EBF4: variants seen among roughly 807,000 people sequenced by gnomAD.
EBF4 encodes the protein EBF transcription factor 4, also known as transcription factor COE4.
Under a neutral mutation model 67.1 loss-of-function variants are expected in EBF4, and 34 were observed. The ratio of observed to expected loss-of-function variants is 0.51; its 90% CI spans 0.39 to 0.67. EBF4 has a LOEUF of 0.67. Among genes scored for constraint, EBF4 ranks in the 30% least tolerant of loss-of-function variants. EBF4 has a pLI of 0.00. For missense variants in EBF4, 837 were observed against 873.3 expected (o/e 0.96, Z 0.52); for synonymous variants, 387 against 377.7 (o/e 1.02, Z -0.29).
chr20:2,702,741 A>C (rs2087394326), intron 1 of EBF4, among the ~76,000 whole-genome samples: 1 of 152,150 alleles, frequency 6.6e-6, no homozygotes, highest in South Asian at 2.1e-4. Flanking sequence ...AGCCATTGTC[A>C]CAGGAGCATG....
intron 6 of EBF4, among the ~76,000 whole-genome samples, chr20:2,726,455 T>C (rs540312643): frequency 6.6e-6 from 1 of 152,174 alleles, no homozygotes; most frequent in African/African-American, 2.4e-5. Flanking sequence ...GATGGTGTAC[T>C]CCTGTAGCCT....
chr20:2,759,895 G>T (rs2088300319), downstream of EBF4: 1 of 152,446 alleles, frequency 6.6e-6, no homozygotes, highest in Non-Finnish European at 1.5e-5. Context: ...AGAAGAGGGG[G>T]TGCCAGGCCT....
chr20:2,749,322 A>T (rs1011045039), intron 7 of EBF4, 79 bp from the exon 8 acceptor site: 4 of 1,083,568 alleles, frequency 3.7e-6, no homozygotes, highest in Non-Finnish European at 5.2e-6. Flanking sequence ...ACCAGCCTCA[A>T]GGTGCTGGTT....
intron 15 of EBF4, among the ~76,000 whole-genome samples, chr20:2,757,437 A>G (rs1362268242): frequency 6.6e-6 from 1 of 150,908 alleles, no homozygotes; most frequent in Non-Finnish European, 1.5e-5. Flanking sequence ...GACTCAAACA[A>G]TAACAGACTT....
At chr20:2,712,814 T>C (rs2087561107) in intron 6 of EBF4, among the ~76,000 whole-genome samples, 1 of 152,156 alleles carries the variant, frequency 6.6e-6, no homozygotes, top group Non-Finnish European at 1.5e-5. Flanking sequence ...GGGAGTGTCG[T>C]GTCCTGAAGC....
chr20:2,755,915 C>A lies in EBF4; in HGVS notation c.1738+91C>A. Reference sequence around the variant, plus strand: ...GGGGCCTGCTCTGTCCACATCTCACCAGTGCCTCATGCTGGCTAACCTGCT... The same window carrying A: ...GGGGCCTGCTCTGTCCACATCTCACAAGTGCCTCATGCTGGCTAACCTGCT... On this transcript the variant is annotated intron_variant, in intron 15 of 16. Transcript: ENST00000609451. This position sits in a 1 kb window ranked among gnomAD's most constrained non-coding sequence, Gnocchi z 4.7. The A allele has an allele frequency of 1.6e-6, 2 of 1,250,348 alleles. No homozygotes were observed. The highest frequency in any genetic ancestry group is 2.2e-6 in the Non-Finnish European group (2 of 916,118). 77.5% of individuals were successfully genotyped at this position (1,250,348 alleles called of 1,614,324 possible).
At chr20:2,716,546 A>AG (rs35707437) in intron 6 of EBF4, among the ~76,000 whole-genome samples, 56 of 150,696 alleles carry the variant, frequency 3.7e-4, no homozygotes, top group Non-Finnish European at 7.4e-4. Flanking sequence ...AAAAAAAAAA[A>AG]TTCTTTTTCT....
chr20:2,741,977 G>A (rs1170617261), intron 6 of EBF4, among the ~76,000 whole-genome samples: 1 of 152,182 alleles, frequency 6.6e-6, no homozygotes, highest in East Asian at 1.9e-4. Flanking sequence ...GAGGACCTGA[G>A]TTTGACCTCT....
At chr20:2,733,646 T>C (rs1002580783) in intron 6 of EBF4, among the ~76,000 whole-genome samples, 27 of 152,130 alleles carry the variant, frequency 1.8e-4, no homozygotes, top group African/African-American at 5.8e-4. Flanking sequence ...ATAATCTCAA[T>C]TGGCCTATAT....
chr20:2,706,051 C>T lies in EBF4; in HGVS notation c.358+14C>T, dbSNP rs1158584463. 1.3e-6 allele frequency: 2 copies of T among 1,551,410 alleles called. No homozygotes were observed. Among genetic ancestry groups the T allele is most frequent in the South Asian group, 2.4e-5 (2 of 84,028 alleles). On this transcript the variant is annotated intron_variant, in intron 3 of 16. Transcript: ENST00000609451. ...TGTATAACAATGGTGAGTGGAGGCC[C>T]CTGCCCTACCCAGCCCTGCCCCTGA...
At chr20:2,728,342 C>T (rs1220538901) in intron 6 of EBF4, among the ~76,000 whole-genome samples, 1 of 152,126 alleles carries the variant, frequency 6.6e-6, no homozygotes, top group African/African-American at 2.4e-5. Context: ...TAACAAACTC[C>T]AGAGATTGTC....
intron 6 of EBF4, among the ~76,000 whole-genome samples, chr20:2,734,394 C>A (rs1431924857): frequency 6.6e-6 from 1 of 152,186 alleles, no homozygotes; most frequent in East Asian, 1.9e-4. Flanking sequence ...GGCAACAGAG[C>A]AAGACCCTGT....
At chr20:2,706,405 A>T in intron 4 of EBF4, 141 bp downstream of exon 4, 2 of 958,406 alleles carry the variant, frequency 2.1e-6, no homozygotes, top group Non-Finnish European at 1.6e-6. Context: ...CCCAGTTCCC[A>T]CCCCAGCCTG....
intron 15 of EBF4, 33 bp from the exon 16 acceptor site, chr20:2,758,876 G>A (rs1321955007): frequency 6.5e-7 from 1 of 1,548,060 alleles, no homozygotes; most frequent in Non-Finnish European, 8.7e-7. Context: ...GGTGGCACAT[G>A]GCTTATGGCT....
intron 6 of EBF4, among the ~76,000 whole-genome samples, chr20:2,720,681 G>T (rs1398575965): frequency 1.3e-5 from 2 of 151,848 alleles, no homozygotes; most frequent in Non-Finnish European, 2.9e-5. Context: ...TTTGTCAATT[G>T]CTTTTAATGA....
intron 10 of EBF4, among the ~76,000 whole-genome samples, chr20:2,750,595 C>T (rs2088128897): frequency 1.3e-5 from 2 of 152,144 alleles, no homozygotes; most frequent in African/African-American, 4.8e-5. Context: ...CCTCTCCACC[C>T]CACCGCAGTC....
intron 14 of EBF4, among the ~76,000 whole-genome samples, chr20:2,754,220 C>T (rs780730317): frequency 3.3e-5 from 5 of 152,182 alleles, no homozygotes; most frequent in Non-Finnish European, 5.9e-5. Flanking sequence ...GTTCAGGGTG[C>T]TTTGTGGCCC....
At chr20:2,736,049 A>G (rs962697862) in intron 6 of EBF4, among the ~76,000 whole-genome samples, 2 of 152,202 alleles carry the variant, frequency 1.3e-5, no homozygotes, top group Non-Finnish European at 2.9e-5. Flanking sequence ...GTGACTGAGG[A>G]ATTGAATATT....
exon 8 of EBF4, chr20:2,749,424 C>T (rs1418063729): frequency 2.6e-6 from 4 of 1,545,624 alleles, no homozygotes; most frequent in East Asian, 2.5e-5. Context: ...CGACGGTGAG[C>T]GTGGACGGAC....
Sources: gnomAD v4.1 joint callset for allele counts (sites outside exome capture counted in the v4.1 genomes callset) on GRCh38, gnomAD v4.1.1 for gene constraint, Gnocchi (gnomAD v3.1) non-coding constraint, MANE v1.5 for transcripts, NCBI Gene and HGNC (gene_info 2026-07-23, HGNC 2026-07-21) for gene names.